The following KLHL25 variants were observed in gnomAD, a reference collection of about 807,000 sequenced individuals.
KLHL25 encodes the protein kelch like family member 25.
In KLHL25, 41 loss-of-function variants were observed where a neutral mutation model predicts 30.0. That is an observed-to-expected ratio of 1.37 (90% CI 1.07 to 1.78). The LOEUF (loss-of-function observed/expected upper bound fraction) is 1.78, where lower values mean the gene tolerates loss of function less well. Ranked by LOEUF, KLHL25 falls within the 40% of genes most tolerant of loss-of-function variation. The pLI, the probability that KLHL25 is intolerant of heterozygous loss-of-function variation, is 0.00. For synonymous variants in KLHL25, 399 were observed against 355.3 expected (o/e 1.12, Z -1.38); for missense variants, 971 against 824.5 (o/e 1.18, Z -2.18).
At position 85,768,381 on chromosome 15, in the gene KLHL25, T is replaced by G; in HGVS notation, c.1430A>C (p.Glu477Ala). The G allele has an allele frequency of 6.2e-7, 1 of 1,613,600 alleles. No individual in the cohort carries two copies. Among genetic ancestry groups the G allele is most frequent in the African/African-American group, 1.3e-5 (1 of 75,008 alleles). Reference sequence around the variant, plus strand: ...TGTGTACCGCCAAGGCTGGGGGCACTCGGCCTTGATCGTCCACCTGTTCTC... The same window carrying G: ...TGTGTACCGCCAAGGCTGGGGGCACGCGGCCTTGATCGTCCACCTGTTCTC... The part of the protein sequence containing the change: ...PSENRWTIKA[E>A]CPQPWRYTAA... Residue 477 changes from glutamate to alanine, a missense_variant, in exon 2 of 3, where the codon GAG becomes GCG. Glu to Ala is a moderately radical substitution (Grantham distance 107). Transcript: ENST00000337975.
intron 2 of KLHL25, chr15:85,762,981 A>C (rs2089593289): frequency 6.6e-6 from 1 of 151,504 alleles, no homozygotes; most frequent in South Asian, 2.1e-4. Context: ...CCTGAAGAGA[A>C]GACAAGCTGT....
intron 2 of KLHL25, among the ~76,000 whole-genome samples, chr15:85,765,013 T>C (rs543290373): frequency 3.3e-5 from 5 of 152,258 alleles, no homozygotes; most frequent in African/African-American, 9.6e-5. Context: ...CCAGGTCCAG[T>C]TGACAGGGCA....
chr15:85,760,295 C>G lies in KLHL25; in HGVS notation c.*741G>C, dbSNP rs1451228136. On this transcript the variant is annotated 3_prime_UTR_variant, in exon 3 of 3. Coordinates refer to ENST00000337975, the MANE Select transcript of KLHL25 (RefSeq NM_022480.4). ...GAGGGGAGGGGTGACCCCCAGGGCA[C>G]TCGGAGCCTTGAGTCTGCTGCAGGC... The G allele has an allele frequency of 6.6e-6, 1 of 152,190 alleles. No homozygotes were observed. Among genetic ancestry groups the G allele is most frequent in the Non-Finnish European group, 1.5e-5 (1 of 68,098 alleles). The allele number at this position is 152,190 out of a possible 1,614,324, so 9.4% of individuals were successfully genotyped here. A position where few individuals can be genotyped will look rare whatever the true frequency, so the allele number is the denominator to read the frequency against.
At chr15:85,782,444 G>A (rs1050113850) in intron 1 of KLHL25, among the ~76,000 whole-genome samples, 1 of 151,818 alleles carries the variant, frequency 6.6e-6, no homozygotes, top group African/African-American at 2.4e-5. Context: ...CATCCAAGCT[G>A]TGTTCAATCG....
chr15:85,761,601 G>A (rs368261005), intron 2 of KLHL25: 6 of 133,426 alleles, frequency 4.5e-5, no homozygotes, highest in African/African-American at 1.7e-4. Context: ...TCCTGGTTCT[G>A]CAGCTTGCAG....
chr15:85,763,889 T>C (rs999948578), intron 2 of KLHL25: 1 of 152,164 alleles, frequency 6.6e-6, no homozygotes, highest in East Asian at 1.9e-4. Context: ...CCAGACGACA[T>C]TCTAGGTGGC....
At position 85,768,512 on chromosome 15, in the gene KLHL25, G is replaced by A. The variant is rs768761766; in HGVS notation, c.1299C>T (p.Gly433=). 2.6e-5 allele frequency: 42 copies of A among 1,613,492 alleles called. No individual in the cohort carries two copies. The highest frequency in any genetic ancestry group is 1.2e-4 in the African/African-American group (9 of 74,930). The change falls in exon 2 of 3, where the codon GGC becomes GGT. Residue 433 remains glycine, a synonymous_variant. Coordinates refer to ENST00000337975, the MANE Select transcript of KLHL25 (RefSeq NM_022480.4). ...CACTCACCACTGCGGCATTGCTGAC[G>A]CCATCCCGCAAGGGGGCCACCATCA... ...KWMMVAPLRD[G]VSNAAVVSAK... is the part of the protein sequence containing the mutation.
chr15:85,786,547 ACT>A (rs2089782750), intron 1 of KLHL25, among the ~76,000 whole-genome samples: 1 of 152,010 alleles, frequency 6.6e-6, no homozygotes, highest in Admixed American at 6.6e-5. Context: ...CAGCTACGGA[ACT>A]CTCTCTGTCC....
At position 85,789,509 on chromosome 15, in the gene KLHL25, T is replaced by G. The variant is rs1472798111; in HGVS notation, c.-11+5257A>C. Among the ~76,000 whole-genome samples, 1 of 152,258 alleles carries G rather than the reference T, an allele frequency of 6.6e-6. No individual in the cohort carries two copies. The highest frequency in any genetic ancestry group is 2.4e-5 in the African/African-American group (1 of 41,556). On this transcript the variant is annotated intron_variant, in intron 1 of 2. Coordinates refer to ENST00000337975, the MANE Select transcript of KLHL25 (RefSeq NM_022480.4). This position sits in a 1 kb window ranked among gnomAD's most constrained non-coding sequence, Gnocchi z 4.1. ...GATTCTCCTGTCTCAGCCTCCCAAGTAGCTGGAATTATAGGCGCCTGCCAC... is the reference window on the plus strand; with the variant it reads ...GATTCTCCTGTCTCAGCCTCCCAAGGAGCTGGAATTATAGGCGCCTGCCAC...
In KLHL25 at chr15:85,768,899, G is replaced by A. The variant is rs2089646434; in HGVS notation, c.912C>T (p.Thr304=). The A allele has an allele frequency of 1.2e-6, 2 of 1,613,372 alleles. No homozygotes were observed. Among genetic ancestry groups the A allele is most frequent in the Non-Finnish European group, 1.7e-6 (2 of 1,180,050 alleles). The part of the protein sequence containing the change: ...GHTLLILGGQ[T]FMCDKIYQVD... ...CCTGGTAGATCTTGTCACACATGAA[G>A]GTCTGGCCCCCCAGGATGAGTAGCG... Residue 304 remains threonine, a synonymous_variant, in exon 2 of 3, where the codon ACC becomes ACT. Coordinates refer to ENST00000337975, the MANE Select transcript of KLHL25 (RefSeq NM_022480.4).
intron 1 of KLHL25, among the ~76,000 whole-genome samples, chr15:85,781,923 C>T (rs1184684407): frequency 2.0e-5 from 3 of 152,050 alleles, no homozygotes; most frequent in Admixed American, 6.5e-5. Flanking sequence ...CTGCTGTCAC[C>T]GGAGGCAGCT....
rs766747832 is a variant in KLHL25, at chr15:85,769,783, T to A, written c.28A>T (p.Lys10Ter). 5 of 1,611,386 alleles carry A rather than the reference T, an allele frequency of 3.1e-6. No homozygotes were observed. The stretch of plus-strand genomic sequence containing the variant: ...ATGGACCCCGTGCTGCTCCGCGACT[T>A]GCGGGTCTCATGGACACTGACCGAC... MSVSVHETR[K>*]SRSSTGSMNV... Residue 10 changes from lysine (K) to a stop codon, truncating the protein, a stop_gained, in exon 2 of 3, where the codon AAG becomes TAG. Transcript: ENST00000337975. LOFTEE classifies it high-confidence loss of function.
At position 85,768,018 on chromosome 15, in the gene KLHL25, T is replaced by C; in HGVS notation, c.*23A>G. On this transcript the variant is annotated splice_region_variant and 3_prime_UTR_variant, in exon 2 of 3. Coordinates refer to ENST00000337975, the MANE Select transcript of KLHL25 (RefSeq NM_022480.4). ...GGCCGTGGGCTGCCAGGGACTCACC[T>C]GGCTGGGCTCAGCAGGTGCTCCTCA... The C allele has an allele frequency of 1.3e-6, 2 of 1,594,176 alleles. No individual in the cohort carries two copies. Among genetic ancestry groups the C allele is most frequent in the Non-Finnish European group, 1.7e-6 (2 of 1,166,624 alleles).
chr15:85,768,854 C>T lies in KLHL25; in HGVS notation c.957G>A (p.Glu319=). Residue 319 remains glutamate (E), a synonymous_variant, in exon 2 of 3, where the codon GAG becomes GAA. Transcript: ENST00000337975. The part of the protein sequence containing the change: ...KIYQVDHKAK[E]IIPKADLPSP... The stretch of plus-strand genomic sequence containing the variant: ...TGGGCAGGTCGGCCTTGGGGATGAT[C>T]TCCTTGGCCTTGTGGTCCACCTGGT... 1.2e-6 allele frequency: 2 copies of T among 1,613,370 alleles called. No homozygotes were observed. Among genetic ancestry groups the T allele is most frequent in the Non-Finnish European group, 1.7e-6 (2 of 1,180,044 alleles).
chr15:85,777,231 T>C (rs1295431004), intron 1 of KLHL25, among the ~76,000 whole-genome samples: 1 of 152,174 alleles, frequency 6.6e-6, no homozygotes, highest in Admixed American at 6.5e-5. Flanking sequence ...ATGAGGTCCC[T>C]GCATCAAATA....
At chr15:85,793,285 C>A (rs2089829289) in intron 1 of KLHL25, among the ~76,000 whole-genome samples, 1 of 152,180 alleles carries the variant, frequency 6.6e-6, no homozygotes, top group Non-Finnish European at 1.5e-5. Flanking sequence ...CAGCCCAAGA[C>A]CCCAGGATGA....
rs1198863357 is a variant in KLHL25 at position 85,768,257 on chromosome 15, C to T, written c.1554G>A (p.Trp518Ter). 6.2e-7 allele frequency: 1 copy of T among 1,614,186 alleles called. No homozygotes were observed. Among genetic ancestry groups the T allele is most frequent in the Non-Finnish European group, 8.5e-7 (1 of 1,180,044 alleles). The change falls in exon 2 of 3, where the codon TGG (tryptophan) becomes TGA (stop). Residue 518 changes from tryptophan (W) to a stop codon, truncating the protein, a stop_gained. Transcript: ENST00000337975. LOFTEE classifies it high-confidence loss of function. ...TGGCAGTCATGTCCCCAATCCGCGTCCACTGGTTGGTCTCACAGTCAAAGC... is the reference window on the plus strand; with the variant it reads ...TGGCAGTCATGTCCCCAATCCGCGTTCACTGGTTGGTCTCACAGTCAAAGC... ...AYRFDCETNQWTRIGDMTAKR... is the reference protein window; with the variant it reads ...AYRFDCETNQ
rs755421725 is a variant in KLHL25 at position 85,769,018 on chromosome 15, T to A, written c.793A>T (p.Ile265Phe). Residue 265 changes from isoleucine to phenylalanine, a missense_variant, in exon 2 of 3, where the codon ATC (isoleucine) becomes TTC (phenylalanine). Transcript: ENST00000337975. ...LLMADERTKL[I>F]MDEALRCKTR... ...TTGCAGCGCAGGGCCTCATCCATGA[T>A]AAGCTTGGTGCGCTCGTCTGCCATG... is the stretch of plus-strand genomic sequence containing the variant. 2.7e-5 allele frequency: 44 copies of A among 1,610,968 alleles called. 1 individual carries two copies. The East Asian group carries it at 3.1e-4, about 11-fold the overall frequency.
rs149982726 is a variant in KLHL25, at chr15:85,775,038, G to A, written c.-10-5218C>T. 5.1e-3 allele frequency among the ~76,000 whole-genome samples: 771 copies of A among 151,984 alleles called. 9 individuals are homozygous for A. The highest frequency in any genetic ancestry group is 0.017 in the African/African-American group (708 of 41,458). On this transcript the variant is annotated intron_variant, in intron 1 of 2. Coordinates refer to ENST00000337975, the MANE Select transcript of KLHL25 (RefSeq NM_022480.4). ...ATTACAGGCGCCCGCCACCACACCCGGCTAATTTTTGTATTTTTACTAGAG... is the reference window on the plus strand; with the variant it reads ...ATTACAGGCGCCCGCCACCACACCCAGCTAATTTTTGTATTTTTACTAGAG...
Sources: gnomAD v4.1 joint callset for allele counts (sites outside exome capture counted in the v4.1 genomes callset) on GRCh38, gnomAD v4.1.1 for gene constraint, Gnocchi (gnomAD v3.1) non-coding constraint, MANE v1.5 for transcripts, NCBI Gene and HGNC (gene_info 2026-07-23, HGNC 2026-07-21) for gene names.